Variants in ZNF423 observed in about 807,000 individuals in gnomAD.
ZNF423 encodes zinc finger protein 423, also known as Ebf-associated zinc finger protein.
A neutral mutation model predicts 95.8 loss-of-function variants in ZNF423; 12 were observed. The ratio of observed to expected loss-of-function variants is 0.13; its 90% CI spans 0.08 to 0.20. The LOEUF (loss-of-function observed/expected upper bound fraction) is 0.20, where lower values mean the gene tolerates loss of function less well. ZNF423 is among the 10% of genes least tolerant of loss of function. The pLI, the probability that ZNF423 is intolerant of heterozygous loss-of-function variation, is 1.00. For missense variants in ZNF423, 1,316 were observed against 1,737.1 expected (o/e 0.76, Z 4.31); for synonymous variants, 749 against 711.9 (o/e 1.05, Z -0.83).
In ZNF423 at chr16:49,635,990, G is replaced by T. The variant is rs1241319600; in HGVS notation, c.3186C>A (p.Ser1062=). The T allele has an allele frequency of 6.2e-7, 1 of 1,601,808 alleles. No individual in the cohort carries two copies. Among genetic ancestry groups the T allele is most frequent in the African/African-American group, 1.3e-5 (1 of 74,776 alleles). ...GCTTCTGCAGCCCCTGGCCATTGGG[G>T]GAGGACGCCGCTGAGCTGCCCGCCA... ...QKLAGSSAAS[S]PNGQGLQKLY... The change falls in exon 4 of 8, where the codon TCC becomes TCA. Residue 1062 remains serine (S), a synonymous_variant. Coordinates refer to ENST00000563137, the MANE Select transcript of ZNF423 (RefSeq NM_001379286.1). The surrounding 1 kb of genome is among the most constrained non-coding windows in gnomAD (Gnocchi z 4.8).
upstream of ZNF423, among the ~76,000 whole-genome samples, chr16:49,858,849 G>C (rs1395961340): frequency 1.3e-5 from 2 of 152,008 alleles, no homozygotes; most frequent in African/African-American, 2.4e-5. The surrounding 1 kb of genome is among the most constrained non-coding windows in gnomAD (Gnocchi z 4.3). Flanking sequence ...AGAATCAGCC[G>C]CTCCCCCACC....
intron 5 of ZNF423, among the ~76,000 whole-genome samples, chr16:49,538,245 C>T (rs1035545025): frequency 1.3e-5 from 2 of 152,180 alleles, no homozygotes; most frequent in African/African-American, 4.8e-5. Flanking sequence ...CGAGGTGCAG[C>T]GAGCAGAACA....
At position 49,590,050 on chromosome 16, in the gene ZNF423, A is replaced by ATATATATATATG. The variant is rs552421632; in HGVS notation, c.3601+36119_3601+36120insCATATATATATA. Among the ~76,000 whole-genome samples the ATATATATATATG allele has an allele frequency of 8.6e-4, 101 of 117,572 alleles. 6 individuals are homozygous for ATATATATATATG. Among genetic ancestry groups the ATATATATATATG allele is most frequent in the South Asian group, 3.4e-3 (10 of 2,940 alleles). 77.1% of individuals were successfully genotyped at this position (117,572 alleles called of 152,430 possible). A position where few individuals can be genotyped will look rare whatever the true frequency, so the allele number is the denominator to read the frequency against. On this transcript the variant is annotated intron_variant, in intron 5 of 7. Coordinates refer to ENST00000563137, the MANE Select transcript of ZNF423 (RefSeq NM_001379286.1). ...GGCGAATATATATATATATATATATATTTGGTCCATACAGACGTGACCAGA... is the reference window on the plus strand; with the variant it reads ...GGCGAATATATATATATATATATATATATATATATATGTTTGGTCCATACAGACGTGACCAGA...
intron 2 of ZNF423, among the ~76,000 whole-genome samples, chr16:49,754,779 G>A (rs1446078106): frequency 6.6e-6 from 1 of 152,198 alleles, no homozygotes; most frequent in Non-Finnish European, 1.5e-5. Context: ...GGGGGCTTGC[G>A]GGCCTGGGGT....
chr16:49,597,864 G>A (rs1338669074), intron 5 of ZNF423, among the ~76,000 whole-genome samples: 1 of 152,144 alleles, frequency 6.6e-6, no homozygotes, highest in African/African-American at 2.4e-5. Context: ...GAAGAGGGCA[G>A]GACCACAGCC....
In ZNF423 at chr16:49,636,671, C is replaced by T; in HGVS notation, c.2505G>A (p.Arg835=). 1.2e-6 allele frequency: 2 copies of T among 1,614,126 alleles called. No individual in the cohort carries two copies. Among genetic ancestry groups the T allele is most frequent in the Admixed American group, 3.3e-5 (2 of 60,026 alleles). ...CAGCATCAAACACACAGTGCTTCTCCCGCAGGTGCTTCTCCAGCAGGATGA... is the reference window on the plus strand; with the variant it reads ...CAGCATCAAACACACAGTGCTTCTCTCGCAGGTGCTTCTCCAGCAGGATGA... The part of the protein sequence containing the change: ...HAIILLEKHL[R]EKHCVFDAAT... Residue 835 remains arginine, a synonymous_variant, in exon 4 of 8, where the codon CGG becomes CGA. Coordinates refer to ENST00000563137, the MANE Select transcript of ZNF423 (RefSeq NM_001379286.1). The surrounding 1 kb of genome is among the most constrained non-coding windows in gnomAD (Gnocchi z 8.6).
chr16:49,550,894 G>A (rs569692537), intron 5 of ZNF423, among the ~76,000 whole-genome samples: 24 of 152,372 alleles, frequency 1.6e-4, no homozygotes, highest in Admixed American at 6.5e-4. Context: ...GCCTGCCTGG[G>A]AGTGACCTCC....
intron 1 of ZNF423, among the ~76,000 whole-genome samples, chr16:49,798,470 T>C (rs1359224517): frequency 6.7e-6 from 1 of 149,734 alleles, no homozygotes; most frequent in African/African-American, 2.5e-5. Flanking sequence ...ATCACACCAC[T>C]GCACTCCAGT....
intron 2 of ZNF423, among the ~76,000 whole-genome samples, chr16:49,774,834 G>A (rs374305286): frequency 2.6e-5 from 4 of 152,102 alleles, no homozygotes; most frequent in African/African-American, 4.8e-5. Flanking sequence ...CCAAGATTCC[G>A]GGCTTAGGGA....
intron 5 of ZNF423, among the ~76,000 whole-genome samples, chr16:49,574,626 T>G (rs1158907847): frequency 6.6e-6 from 1 of 152,200 alleles, no homozygotes; most frequent in Non-Finnish European, 1.5e-5. Context: ...GGAAGCCTGC[T>G]GGAGCCACTG....
chr16:49,753,196 A>G (rs536774150), intron 2 of ZNF423, among the ~76,000 whole-genome samples: 2 of 152,200 alleles, frequency 1.3e-5, no homozygotes, highest in South Asian at 4.1e-4. Context: ...GTGAGCCAAG[A>G]TCATGCCACT....
intron 2 of ZNF423, among the ~76,000 whole-genome samples, chr16:49,786,913 A>G (rs1321390605): frequency 6.6e-6 from 1 of 152,214 alleles, no homozygotes; most frequent in East Asian, 1.9e-4. Context: ...AGTTTAATGA[A>G]AAGTATTAGA....
At chr16:49,496,750 G>T (rs1697170950) in intron 7 of ZNF423, among the ~76,000 whole-genome samples, 2 of 152,180 alleles carry the variant, frequency 1.3e-5, no homozygotes, top group African/African-American at 4.8e-5. Flanking sequence ...TGGTGTCTGT[G>T]CTGGTCTTCC....
At chr16:49,753,988 G>A (rs996422433) in intron 2 of ZNF423, among the ~76,000 whole-genome samples, 16 of 146,920 alleles carry the variant, frequency 1.1e-4, no homozygotes, top group Admixed American at 7.6e-4. Flanking sequence ...CTGAGATTGC[G>A]CCACTACACT....
intron 5 of ZNF423, among the ~76,000 whole-genome samples, chr16:49,543,935 T>C (rs1484570978): frequency 6.6e-6 from 1 of 152,188 alleles, no homozygotes; most frequent in East Asian, 1.9e-4. Context: ...CAGGGCTCTG[T>C]GAGGACCAGC....
intron 2 of ZNF423, among the ~76,000 whole-genome samples, chr16:49,774,244 C>T (rs1282375020): frequency 6.6e-6 from 1 of 152,200 alleles, no homozygotes; most frequent in Non-Finnish European, 1.5e-5. Context: ...TCCTCCCCTT[C>T]CAGCCCTGGG....
intron 1 of ZNF423, among the ~76,000 whole-genome samples, chr16:49,820,442 C>T (rs1376953518): frequency 6.6e-6 from 1 of 152,340 alleles, no homozygotes; most frequent in East Asian, 1.9e-4. Flanking sequence ...CAAGAGCTGA[C>T]AATCTGACTT....
rs1345457565 is a variant in ZNF423, at chr16:49,636,857, C to A, written c.2319G>T (p.Leu773=). Residue 773 remains leucine (L), a synonymous_variant, in exon 4 of 8, where the codon CTG becomes CTT. Coordinates refer to ENST00000563137, the MANE Select transcript of ZNF423 (RefSeq NM_001379286.1). This position sits in a 1 kb window ranked among gnomAD's most constrained non-coding sequence, Gnocchi z 8.6. ...GGTGGCTGTGTTTGACGTGCACCTGCAGGTCAGCCTCCTTGCGGAAGTCCC... is the reference window on the plus strand; with the variant it reads ...GGTGGCTGTGTTTGACGTGCACCTGAAGGTCAGCCTCCTTGCGGAAGTCCC... ...CNWDFRKEAD[L]QVHVKHSHLG... 6.2e-6 allele frequency: 10 copies of A among 1,613,950 alleles called. No individual in the cohort carries two copies. The highest frequency in any genetic ancestry group is 8.5e-6 in the Non-Finnish European group (10 of 1,180,040).
chr16:49,575,046 G>C (rs1403200671), intron 5 of ZNF423, among the ~76,000 whole-genome samples: 2 of 152,154 alleles, frequency 1.3e-5, no homozygotes, highest in African/African-American at 4.8e-5. Flanking sequence ...TCCACAGGCG[G>C]ATCGAGGGGT....
Sources: gnomAD v4.1 joint callset for allele counts (sites outside exome capture counted in the v4.1 genomes callset) on GRCh38, gnomAD v4.1.1 for gene constraint, Gnocchi (gnomAD v3.1) non-coding constraint, MANE v1.5 for transcripts, NCBI Gene and HGNC (gene_info 2026-07-23, HGNC 2026-07-21) for gene names.